LGR4: variants seen among roughly 807,000 people sequenced by gnomAD.
LGR4 encodes leucine-rich repeat-containing G protein-coupled receptor 4.
In LGR4, 44 loss-of-function variants were observed where a neutral mutation model predicts 84.8. That is an observed-to-expected ratio of 0.52 (90% CI 0.41 to 0.67). The LOEUF (loss-of-function observed/expected upper bound fraction) is 0.67, where lower values mean the gene tolerates loss of function less well. Among genes scored for constraint, LGR4 ranks in the 30% least tolerant of loss-of-function variants. The pLI is 0.00. For missense variants in LGR4, 1,032 were observed against 1,131.4 expected, an observed-to-expected ratio of 0.91 and a Z score of 1.26; for synonymous variants, 429 against 434.3, an observed-to-expected ratio of 0.99 and a Z score of 0.15.
chr11:27,380,739 T>C, intron 8 of LGR4, 28 bp from the exon 9 acceptor site: 1 of 1,468,384 alleles, frequency 6.8e-7, no homozygotes, highest in Non-Finnish European at 9.5e-7. Context: ...AAAAGTAAAA[T>C]TTTCATATGT....
chr11:27,462,936 C>T (rs567369025), intron 1 of LGR4, among the ~76,000 whole-genome samples: 1 of 151,568 alleles, frequency 6.6e-6, no homozygotes, highest in East Asian at 1.9e-4. Context: ...AATATGCCTA[C>T]AAAAGAAGTC....
intron 1 of LGR4, among the ~76,000 whole-genome samples, chr11:27,448,538 C>T (rs950349211): frequency 3.3e-5 from 5 of 152,094 alleles, no homozygotes; most frequent in African/African-American, 1.2e-4. Context: ...GTGATCCGCT[C>T]GCCTCAGCCT....
At position 27,378,699 on chromosome 11, in the gene LGR4, A is replaced by G; in HGVS notation, c.1041T>C (p.Thr347=). 1 of 1,601,914 alleles carries G rather than the reference A, an allele frequency of 6.2e-7. No homozygotes were observed. The highest frequency in any genetic ancestry group is 2.2e-5 in the East Asian group (1 of 44,720). The change falls in exon 11 of 18, where the codon ACT becomes ACC. Residue 347 remains threonine, a splice_region_variant and synonymous_variant. Transcript: ENST00000379214. ...NLCQEQKMLR[T]LDLSYNNIRD... is the part of the protein sequence containing the mutation. Reference sequence around the variant, plus strand: ...AAGGGAAGAAGAATCCAACTTACAAAGTCCTAAGCATCTTTTGTTCTTGAC... The same window carrying G: ...AAGGGAAGAAGAATCCAACTTACAAGGTCCTAAGCATCTTTTGTTCTTGAC...
chr11:27,414,531 T>C (rs1342771199), intron 1 of LGR4, among the ~76,000 whole-genome samples: 2 of 152,116 alleles, frequency 1.3e-5, no homozygotes, highest in East Asian at 1.9e-4. Context: ...CATAGAGACA[T>C]ACATGCACTC....
intron 1 of LGR4, among the ~76,000 whole-genome samples, chr11:27,433,541 T>C (rs1465267405): frequency 2.0e-5 from 3 of 152,088 alleles, no homozygotes; most frequent in East Asian, 3.9e-4. Flanking sequence ...CACTCTTCTA[T>C]TCTTTTCTCC....
chr11:27,433,290 A>G (rs906108733), intron 1 of LGR4, among the ~76,000 whole-genome samples: 17 of 152,046 alleles, frequency 1.1e-4, no homozygotes, highest in African/African-American at 3.6e-4. Context: ...TCGGCTCACT[A>G]CAAGCTCCGC....
At chr11:27,409,128 A>G (rs959256046) in intron 2 of LGR4, among the ~76,000 whole-genome samples, 2 of 152,176 alleles carry the variant, frequency 1.3e-5, no homozygotes, top group Non-Finnish European at 2.9e-5. Context: ...ACAAATGGCA[A>G]CAATAGTATC....
Position 27,368,776 on chromosome 11 carries a change from A to G in LGR4, c.1947T>C (p.Asp649=), listed in dbSNP as rs776857931. ...ATVERSLSAK[D]IMKNGKSNHL... is the part of the protein sequence containing the mutation. ...GATTGCTCTTCCCATTTTTCATTATATCTTTTGCAGATAAGCTTCTTTCGA... is the reference window on the plus strand; with the variant it reads ...GATTGCTCTTCCCATTTTTCATTATGTCTTTTGCAGATAAGCTTCTTTCGA... The change falls in exon 18 of 18, where the codon GAT becomes GAC. Residue 649 remains aspartate, a synonymous_variant. Transcript: ENST00000379214. The G allele has an allele frequency of 3.7e-6, 6 of 1,613,980 alleles. No homozygotes were observed. The Admixed American group carries it at 1.0e-4, about 27-fold the overall frequency.
chr11:27,401,394 T>C (rs2133386752), intron 2 of LGR4, among the ~76,000 whole-genome samples: 1 of 152,270 alleles, frequency 6.6e-6, no homozygotes, highest in South Asian at 2.1e-4. Flanking sequence ...TAGAGGTAAA[T>C]CAGTAAAAAC....
chr11:27,367,859 A>C lies in LGR4; in HGVS notation c.*8T>G. 6.4e-7 allele frequency: 1 copy of C among 1,563,710 alleles called. No individual in the cohort carries two copies. The highest frequency in any genetic ancestry group is 8.6e-7 in the Non-Finnish European group (1 of 1,160,030). ...GTTGACGGGGGAAACGGTTACACAC[A>C]CAGTAGTTCAGTCTTTAACTCTTGG... On this transcript the variant is annotated 3_prime_UTR_variant, in exon 18 of 18. Transcript: ENST00000379214.
At chr11:27,472,095 G>A (rs1223553047) in intron 1 of LGR4, 23 bp downstream of exon 1, 2 of 392,832 alleles carry the variant, frequency 5.1e-6, no homozygotes, top group Non-Finnish European at 3.4e-6. Context: ...CCCCCCCCTC[G>A]CGTCCCCGCC....
intron 1 of LGR4, among the ~76,000 whole-genome samples, chr11:27,463,452 C>G (rs1410622732): frequency 6.6e-6 from 1 of 152,088 alleles, no homozygotes; most frequent in African/African-American, 2.4e-5. Flanking sequence ...TGATAAACTG[C>G]TAAATATCAG....
At chr11:27,374,456 G>A (rs983031530) in intron 13 of LGR4, among the ~76,000 whole-genome samples, 9 of 152,124 alleles carry the variant, frequency 5.9e-5, no homozygotes, top group Non-Finnish European at 4.4e-5. Context: ...ATAAGGCCCC[G>A]AGAGAAGACA....
chr11:27,398,314 GA>G (rs1565078872), intron 2 of LGR4, among the ~76,000 whole-genome samples: 1 of 152,178 alleles, frequency 6.6e-6, no homozygotes, highest in Non-Finnish European at 1.5e-5. Context: ...GAAATGCACT[GA>G]GCGACACTAG....
intron 1 of LGR4, among the ~76,000 whole-genome samples, chr11:27,468,110 G>A (rs1864813120): frequency 6.6e-6 from 1 of 151,582 alleles, no homozygotes. Flanking sequence ...GGAGTAGTGG[G>A]GGAAAAAAAA....
intron 12 of LGR4, 26 bp downstream of exon 12, chr11:27,377,132 A>G (rs1000657177): frequency 7.0e-6 from 10 of 1,435,490 alleles, no homozygotes; most frequent in African/African-American, 5.7e-5. Flanking sequence ...ACCACAACAA[A>G]AGGAATAAGT....
intron 2 of LGR4, among the ~76,000 whole-genome samples, chr11:27,402,155 G>GTAAA (rs1239298356): frequency 6.6e-6 from 1 of 152,162 alleles, no homozygotes; most frequent in Non-Finnish European, 1.5e-5. Flanking sequence ...AGCTCCATGA[G>GTAAA]TAAATACCAA....
chr11:27,425,504 T>G (rs1399142385), intron 1 of LGR4, among the ~76,000 whole-genome samples: 1 of 151,864 alleles, frequency 6.6e-6, no homozygotes, highest in Non-Finnish European at 1.5e-5. Context: ...AAAATTTTTT[T>G]GTAGAGACAG....
At chr11:27,425,326 G>GTT (rs553464522) in intron 1 of LGR4, among the ~76,000 whole-genome samples, 4,140 of 142,464 alleles carry the variant, frequency 0.029, 184 homozygotes, top group African/African-American at 0.1. Flanking sequence ...TCTCAGCACA[G>GTT]TTTTTTTTTT....
Sources: gnomAD v4.1 joint callset for allele counts (sites outside exome capture counted in the v4.1 genomes callset) on GRCh38, gnomAD v4.1.1 for gene constraint, MANE v1.5 for transcripts, NCBI Gene and HGNC (gene_info 2026-07-23, HGNC 2026-07-21) for gene names.